NR6A1: variants seen among roughly 807,000 people sequenced by gnomAD.
The protein encoded by NR6A1 is retinoic acid receptor-related testis-associated receptor.
In NR6A1, 7 loss-of-function variants were observed where a neutral mutation model predicts 59.1. That is an observed-to-expected ratio of 0.12 (90% CI 0.07 to 0.22). The LOEUF (loss-of-function observed/expected upper bound fraction) is 0.22. Ranked by LOEUF, NR6A1 falls within the 10% of genes least tolerant of loss-of-function variation. NR6A1 has a pLI of 1.00. For synonymous variants in NR6A1, 243 were observed against 236.1 expected (o/e 1.03, Z -0.27); for missense variants, 468 against 611.6 (o/e 0.77, Z 2.48).
intron 2 of NR6A1, among the ~76,000 whole-genome samples, chr9:124,715,149 G>A (rs888368310): frequency 6.6e-6 from 1 of 151,126 alleles, no homozygotes; most frequent in African/African-American, 2.4e-5. Context: ...AGTGAGCCGA[G>A]ACCATGCCAC....
chr9:124,743,492 C>T (rs1840235059), intron 1 of NR6A1, among the ~76,000 whole-genome samples: 1 of 152,068 alleles, frequency 6.6e-6, no homozygotes, highest in African/African-American at 2.4e-5. Context: ...GATACTATGC[C>T]CATGTATTTG....
chr9:124,568,885 G>A (rs7025531), intron 2 of NR6A1, among the ~76,000 whole-genome samples: 3,631 of 151,874 alleles, frequency 0.024, 228 homozygotes, highest in African/African-American at 0.083. Flanking sequence ...AGGCCGAGGC[G>A]GGCGGGTCAC....
intron 2 of NR6A1, among the ~76,000 whole-genome samples, chr9:124,561,605 T>C (rs552100005): frequency 6.6e-6 from 1 of 152,354 alleles, no homozygotes; most frequent in South Asian, 2.1e-4. Flanking sequence ...GTTTTTCTTT[T>C]TTTAATCTAA....
intron 2 of NR6A1, among the ~76,000 whole-genome samples, chr9:124,715,968 C>T (rs1225989158): frequency 2.0e-5 from 3 of 152,192 alleles, no homozygotes; most frequent in African/African-American, 2.4e-5. Flanking sequence ...TTTGGGAGGC[C>T]GAGGCAGGAG....
intron 2 of NR6A1, among the ~76,000 whole-genome samples, chr9:124,634,395 T>C (rs897928400): frequency 1.3e-5 from 2 of 152,260 alleles, no homozygotes; most frequent in African/African-American, 4.8e-5. Context: ...AAAAAGTCAA[T>C]GCCCCTTTTA....
chr9:124,556,339 CACCA>C, intron 2 of NR6A1, among the ~76,000 whole-genome samples: 1 of 152,214 alleles, frequency 6.6e-6, no homozygotes, highest in Non-Finnish European at 1.5e-5. Context: ...AGAAACTGGC[CACCA>C]ACCAAGGAAT....
At chr9:124,548,846 C>T (rs995974212) in intron 3 of NR6A1, among the ~76,000 whole-genome samples, 2 of 152,006 alleles carry the variant, frequency 1.3e-5, no homozygotes, top group African/African-American at 4.8e-5. Context: ...ATGACACCCA[C>T]CCCCACCACC....
At chr9:124,547,671 A>G (rs1387225368) in intron 3 of NR6A1, among the ~76,000 whole-genome samples, 4 of 152,188 alleles carry the variant, frequency 2.6e-5, no homozygotes, top group Admixed American at 6.5e-5. Flanking sequence ...CATCATTTCT[A>G]TGGCATTCTT....
chr9:124,632,418 G>GTA (rs1305778726), intron 2 of NR6A1, among the ~76,000 whole-genome samples: 2 of 152,242 alleles, frequency 1.3e-5, no homozygotes. Context: ...CTAAGGATCA[G>GTA]TAATGTTGAG....
chr9:124,524,278 T>C (rs1421743590), intron 9 of NR6A1, among the ~76,000 whole-genome samples: 2 of 152,136 alleles, frequency 1.3e-5, no homozygotes, highest in African/African-American at 4.8e-5. Flanking sequence ...TTTAAATAAA[T>C]GATCCCTCAA....
intron 7 of NR6A1, among the ~76,000 whole-genome samples, chr9:124,529,990 G>C (rs1833052392): frequency 6.6e-6 from 1 of 152,176 alleles, no homozygotes; most frequent in South Asian, 2.1e-4. Flanking sequence ...TGGTGGCCTA[G>C]TATGTAGCAA....
intron 2 of NR6A1, among the ~76,000 whole-genome samples, chr9:124,617,437 C>T (rs1444605341): frequency 1.3e-5 from 2 of 152,168 alleles, no homozygotes; most frequent in African/African-American, 2.4e-5. Context: ...AATTAGCTAG[C>T]GCAGGGCACC....
At chr9:124,717,786 C>A (rs912529456) in intron 2 of NR6A1, among the ~76,000 whole-genome samples, 1 of 152,212 alleles carries the variant, frequency 6.6e-6, no homozygotes, top group Non-Finnish European at 1.5e-5. Context: ...CACTTACCAG[C>A]TGTGTGACCT....
intron 2 of NR6A1, among the ~76,000 whole-genome samples, chr9:124,643,104 G>A (rs12338316): frequency 2.1e-5 from 3 of 143,790 alleles, no homozygotes; most frequent in Non-Finnish European, 4.5e-5. Context: ...CCTCGGGTGG[G>A]GGGGGGGAAC....
chr9:124,608,020 C>T (rs1588705854), intron 2 of NR6A1, among the ~76,000 whole-genome samples: 2 of 151,678 alleles, frequency 1.3e-5, no homozygotes, highest in East Asian at 1.9e-4. Context: ...TACAGTGAGC[C>T]GTGATCACGC....
chr9:124,678,449 C>T (rs1249167722), intron 2 of NR6A1, among the ~76,000 whole-genome samples: 1 of 152,164 alleles, frequency 6.6e-6, no homozygotes, highest in African/African-American at 2.4e-5. Context: ...CTCATGCAAA[C>T]CAAGCACTTC....
At chr9:124,589,821 C>T (rs1230378443) in intron 2 of NR6A1, among the ~76,000 whole-genome samples, 1 of 152,078 alleles carries the variant, frequency 6.6e-6, no homozygotes, top group East Asian at 1.9e-4. Context: ...AATCCCACCA[C>T]TTTGGGAGGC....
intron 2 of NR6A1, among the ~76,000 whole-genome samples, chr9:124,594,478 A>G (rs1466879126): frequency 1.3e-5 from 2 of 152,202 alleles, no homozygotes; most frequent in African/African-American, 4.8e-5. Flanking sequence ...GGACTCTGCC[A>G]GCTCCTAAAC....
rs1042499605 is a variant in NR6A1, at chr9:124,732,147, A to C, written c.142+1161T>G. 2.0e-5 allele frequency among the ~76,000 whole-genome samples: 3 copies of C among 152,250 alleles called. No homozygotes were observed. The East Asian group carries it at 5.8e-4, about 29-fold the overall frequency. ...TATACTAATAAGGAGGGCAGAGGCG[A>C]ATATGTGAGAAGGTCCACCACCTCA... On this transcript the variant is annotated intron_variant, in intron 2 of 9. Transcript: ENST00000487099.
Sources: allele counts gnomAD v4.1 joint callset (sites outside exome capture counted in the v4.1 genomes callset), GRCh38; gene constraint gnomAD v4.1.1; transcripts MANE v1.5; gene names NCBI Gene and HGNC (gene_info 2026-07-23, HGNC 2026-07-21).